The following ZMIZ1 variants were observed in gnomAD, a reference collection of about 807,000 sequenced individuals.
ZMIZ1 encodes the protein zinc finger MIZ domain-containing protein 1.
Under a neutral mutation model 113.9 loss-of-function variants are expected in ZMIZ1, and 17 were observed. The observed-to-expected ratio is 0.15, with a 90% confidence interval of 0.10 to 0.22. The LOEUF (loss-of-function observed/expected upper bound fraction) is 0.22, where lower values mean the gene tolerates loss of function less well. ZMIZ1 is among the 10% of genes least tolerant of loss of function. The pLI is 1.00. For synonymous variants in ZMIZ1, 607 were observed against 603.1 expected (o/e 1.01, Z -0.09); for missense variants, 1,059 against 1,477.8 (o/e 0.72, Z 4.65).
At chr10:79,121,764 C>T (rs11002838) in intron 2 of ZMIZ1, among the ~76,000 whole-genome samples, 8,088 of 152,152 alleles carry the variant, frequency 0.053, 296 homozygotes, top group East Asian at 0.18. Context: ...TGGGAAGGAT[C>T]CCCGGGAGGT....
In ZMIZ1 at chr10:79,311,047, T is replaced by C. The variant is rs764174637; in HGVS notation, c.2959T>C (p.Ser987Pro). ...HHSGAPPPPP[S>P]QPPRQPPQAA... ...CAGTGGGGCTCCTCCTCCTCCTCCT[T>C]CCCAGCCTCCCCGGCAGCCGCCACA... Residue 987 changes from serine (S) to proline (P), a missense_variant, in exon 24 of 25, where the codon TCC becomes CCC. Transcript: ENST00000334512. The C allele has an allele frequency of 6.8e-6, 11 of 1,612,598 alleles. No individual in the cohort carries two copies. The highest frequency in any genetic ancestry group is 2.2e-5 in the East Asian group (1 of 44,844).
intron 3 of ZMIZ1, among the ~76,000 whole-genome samples, chr10:79,147,991 G>C (rs1267661209): frequency 6.6e-6 from 1 of 152,204 alleles, no homozygotes; most frequent in Admixed American, 6.5e-5. Context: ...ATCGAGGTTT[G>C]TCAGCCTGCA....
intron 4 of ZMIZ1, among the ~76,000 whole-genome samples, chr10:79,183,944 C>T (rs1469146706): frequency 6.6e-6 from 1 of 152,164 alleles, no homozygotes; most frequent in African/African-American, 2.4e-5. Context: ...ACTCTCTTAG[C>T]CTCCAGTGCC....
intron 4 of ZMIZ1, among the ~76,000 whole-genome samples, chr10:79,181,807 C>T (rs894662421): frequency 2.0e-5 from 3 of 152,350 alleles, no homozygotes; most frequent in African/African-American, 4.8e-5. Flanking sequence ...CATTTGTCCC[C>T]GTCATTGACC....
At position 79,162,146 on chromosome 10, in the gene ZMIZ1, C is replaced by T. The variant is rs917110846; in HGVS notation, c.-50+13C>T. ...GCAGATCACTGAGGTAGGTGTGCCA[C>T]GGGGCTGGCGGGAGGTGGCTGGGTC... On this transcript the variant is annotated intron_variant, in intron 4 of 24. Transcript: ENST00000334512. 11 of 399,300 alleles carry T rather than the reference C, an allele frequency of 2.8e-5. No homozygotes were observed. Among genetic ancestry groups the T allele is most frequent in the South Asian group, 1.3e-4 (1 of 7,868 alleles). The allele number at this position is 399,300 out of a possible 1,614,324, so 24.7% of individuals were successfully genotyped here. A position where few individuals can be genotyped will look rare whatever the true frequency, so the allele number is the denominator to read the frequency against.
At chr10:79,218,474 C>T (rs1848826170) in intron 7 of ZMIZ1, among the ~76,000 whole-genome samples, 1 of 151,072 alleles carries the variant, frequency 6.6e-6, no homozygotes, top group South Asian at 2.1e-4. Context: ...GACCCTGTCT[C>T]AAAACAACAA....
chr10:79,216,390 T>TG, intron 7 of ZMIZ1, 116 bp downstream of exon 7: 1 of 850,036 alleles, frequency 1.2e-6, no homozygotes, highest in Non-Finnish European at 1.7e-6. Flanking sequence ...CTAGGTGTAG[T>TG]GCGAACCCCT....
chr10:79,155,586 CG>C (rs1440000588), intron 3 of ZMIZ1, among the ~76,000 whole-genome samples: 1 of 152,242 alleles, frequency 6.6e-6, no homozygotes, highest in Non-Finnish European at 1.5e-5. Context: ...TGAGGCAGGA[CG>C]GGCAGAAGTC....
intron 7 of ZMIZ1, among the ~76,000 whole-genome samples, chr10:79,257,127 C>A (rs1318228087): frequency 6.6e-6 from 1 of 152,220 alleles, no homozygotes. Flanking sequence ...CATGCTCCGT[C>A]CTCACCTGTT....
At chr10:79,143,718 A>G (rs11002851) in intron 3 of ZMIZ1, among the ~76,000 whole-genome samples, 3,354 of 150,868 alleles carry the variant, frequency 0.022, 80 homozygotes, top group South Asian at 0.028. Context: ...TTGGTCAGGA[A>G]CGGCTGCACA....
intron 1 of ZMIZ1, among the ~76,000 whole-genome samples, chr10:79,097,390 C>A (rs1843206232): frequency 6.6e-6 from 1 of 152,186 alleles, no homozygotes; most frequent in African/African-American, 2.4e-5. Flanking sequence ...GCAGAGGAGG[C>A]TGAGGGGTGC....
intron 8 of ZMIZ1, among the ~76,000 whole-genome samples, chr10:79,283,614 G>A (rs952910184): frequency 1.3e-5 from 2 of 152,144 alleles, no homozygotes; most frequent in Admixed American, 1.3e-4. Flanking sequence ...TTTATGTTAG[G>A]GCTTTGTTGC....
chr10:79,195,379 C>T (rs553455716), intron 4 of ZMIZ1, among the ~76,000 whole-genome samples: 11 of 152,204 alleles, frequency 7.2e-5, no homozygotes, highest in African/African-American at 1.4e-4. Flanking sequence ...GGTCCTGAGC[C>T]GGGATGGGGG....
intron 2 of ZMIZ1, among the ~76,000 whole-genome samples, chr10:79,129,923 G>C (rs1282458689): frequency 2.0e-5 from 3 of 152,234 alleles, no homozygotes; most frequent in African/African-American, 4.8e-5. Flanking sequence ...CCTCCCACAA[G>C]ATAGGGCTTC....
At chr10:79,159,474 C>T (rs1325147385) in intron 3 of ZMIZ1, among the ~76,000 whole-genome samples, 1 of 152,230 alleles carries the variant, frequency 6.6e-6, no homozygotes, top group Non-Finnish European at 1.5e-5. Flanking sequence ...TCAGGCTCTC[C>T]GGCTGGTTGC....
chr10:79,181,369 T>A (rs1847117272), intron 4 of ZMIZ1, among the ~76,000 whole-genome samples: 1 of 152,204 alleles, frequency 6.6e-6, no homozygotes, highest in Non-Finnish European at 1.5e-5. Context: ...GCAGTTGTGG[T>A]GTCACTGGTG....
In ZMIZ1 at chr10:79,310,992, C is replaced by T; in HGVS notation, c.2904C>T (p.Pro968=). The change falls in exon 24 of 25, where the codon CCC becomes CCT. Residue 968 remains proline (P), a synonymous_variant. Coordinates refer to ENST00000334512, the MANE Select transcript of ZMIZ1 (RefSeq NM_020338.4). ...AACAAGGTTTGCACGTACCACACCC[C>T]AGCAGCCAGTCAGGGCCTCCATTAC... ...SIQQGLHVPH[P]SSQSGPPLHH... is the part of the protein sequence containing the mutation. 6.2e-7 allele frequency: 1 copy of T among 1,614,062 alleles called. No homozygotes were observed. The highest frequency in any genetic ancestry group is 8.5e-7 in the Non-Finnish European group (1 of 1,180,008).
intron 4 of ZMIZ1, among the ~76,000 whole-genome samples, chr10:79,173,596 C>G (rs1360256735): frequency 6.6e-6 from 1 of 152,126 alleles, no homozygotes; most frequent in Admixed American, 6.5e-5. Flanking sequence ...GAGCAAGGGA[C>G]CTGCCTAAGA....
chr10:79,228,555 G>A (rs567364465), intron 7 of ZMIZ1, among the ~76,000 whole-genome samples: 1 of 152,378 alleles, frequency 6.6e-6, no homozygotes, highest in African/African-American at 2.4e-5. Context: ...CACAGGGGCA[G>A]GGAGGAAGGC....
Sources: gnomAD v4.1 joint callset for allele counts (sites outside exome capture counted in the v4.1 genomes callset) on GRCh38, gnomAD v4.1.1 for gene constraint, MANE v1.5 for transcripts, NCBI Gene and HGNC (gene_info 2026-07-23, HGNC 2026-07-21) for gene names.